The following TLE4 variants were observed in gnomAD, a reference collection of about 807,000 sequenced individuals.
TLE4 encodes TLE family member 4, transcriptional corepressor.
A neutral mutation model predicts 92.8 loss-of-function variants in TLE4; 8 were observed. The ratio of observed to expected loss-of-function variants is 0.09; its 90% CI spans 0.05 to 0.16. The LOEUF (loss-of-function observed/expected upper bound fraction) is 0.16, where lower values mean the gene tolerates loss of function less well. TLE4 is among the 10% of genes least tolerant of loss of function. The probability of loss-of-function intolerance (pLI) is 1.00; values close to 1 mark genes in which losing one functional copy is unlikely to be tolerated. For missense variants in TLE4, 675 were observed against 997.6 expected (o/e 0.68, Z 4.36); for synonymous variants, 371 against 374.1 (o/e 0.99, Z 0.10).
At chr9:79,676,271 C>T (rs988010649) in intron 8 of TLE4, among the ~76,000 whole-genome samples, 1 of 152,110 alleles carries the variant, frequency 6.6e-6, no homozygotes, top group East Asian at 1.9e-4. Context: ...ACTACTGAAA[C>T]TATTTTGGCT....
At chr9:79,683,123 A>G (rs1402712223) in intron 8 of TLE4, among the ~76,000 whole-genome samples, 7 of 152,226 alleles carry the variant, frequency 4.6e-5, no homozygotes, top group Non-Finnish European at 8.8e-5. Flanking sequence ...ATTGTTGTCA[A>G]GCTGTCAAAC....
intron 6 of TLE4, among the ~76,000 whole-genome samples, chr9:79,645,482 C>T (rs1396607560): frequency 1.3e-5 from 2 of 152,182 alleles, no homozygotes; most frequent in Admixed American, 6.5e-5. Flanking sequence ...AGTCCCTTGT[C>T]ATCAAGCAGT....
rs978318347 is a variant in TLE4, at chr9:79,721,599, T to G, written c.1839-142T>G. 19 of 1,307,774 alleles carry G rather than the reference T, an allele frequency of 1.5e-5. No homozygotes were observed. In the African/African-American group the frequency reaches 2.6e-4, roughly 18 times the overall value. The allele number at this position is 1,307,774 out of a possible 1,614,324, so 81.0% of individuals were successfully genotyped here. A position where few individuals can be genotyped will look rare whatever the true frequency, so the allele number is the denominator to read the frequency against. On this transcript the variant is annotated intron_variant, in intron 16 of 19. Coordinates refer to ENST00000376552, the MANE Select transcript of TLE4 (RefSeq NM_007005.6). ...TCTTTGTATATGCTTTGTTATTACT[T>G]TGAATAATTAGAAACCATAATAAAC...
At chr9:79,630,354 AT>A (rs891491071) in intron 6 of TLE4, among the ~76,000 whole-genome samples, 7 of 152,158 alleles carry the variant, frequency 4.6e-5, no homozygotes, top group Admixed American at 2.0e-4. Flanking sequence ...AGTTATAATG[AT>A]TTCTTTCACA....
At chr9:79,664,865 TC>T (rs1190277593) in intron 8 of TLE4, among the ~76,000 whole-genome samples, 5 of 152,232 alleles carry the variant, frequency 3.3e-5, no homozygotes, top group African/African-American at 1.2e-4. Flanking sequence ...TCTCTTTTCT[TC>T]CTTTTTTCTC....
At chr9:79,573,423 G>A in intron 1 of TLE4, 1 of 1,186,916 alleles carries the variant, frequency 8.4e-7, no homozygotes, top group Non-Finnish European at 1.1e-6. Context: ...GTCTTTGGCC[G>A]GGGAGGGGAG....
At chr9:79,707,121 A>G (rs2071822858) in intron 11 of TLE4, 2 of 1,612,804 alleles carry the variant, frequency 1.2e-6, no homozygotes, top group Middle Eastern at 1.6e-4. Flanking sequence ...TTGCAAGGAT[A>G]GAAGAGGGAT....
intron 9 of TLE4, 27 bp downstream of exon 9, chr9:79,704,929 G>C: frequency 6.2e-7 from 1 of 1,612,024 alleles, no homozygotes; most frequent in Non-Finnish European, 8.5e-7. Context: ...TTGTGTTAGG[G>C]GAGGCCAGCT....
At chr9:79,719,996 C>T in intron 15 of TLE4, 50 bp from the exon 16 acceptor site, 2 of 1,557,194 alleles carry the variant, frequency 1.3e-6, no homozygotes, top group African/African-American at 1.4e-5. Flanking sequence ...CATGTTAATG[C>T]TGTTTTCCTT....
intron 4 of TLE4, among the ~76,000 whole-genome samples, chr9:79,598,120 G>A (rs1444921031): frequency 6.7e-6 from 1 of 149,750 alleles, no homozygotes; most frequent in East Asian, 2.0e-4. Flanking sequence ...GTGGTGGCAT[G>A]TGCCTGTAAT....
chr9:79,603,479 A>T (rs1296806035), intron 4 of TLE4, among the ~76,000 whole-genome samples: 1 of 152,232 alleles, frequency 6.6e-6, no homozygotes, highest in Non-Finnish European at 1.5e-5. Context: ...AACATTTTCT[A>T]GCAATAAAGT....
intron 13 of TLE4, among the ~76,000 whole-genome samples, chr9:79,709,248 G>A (rs2072595940): frequency 6.6e-6 from 1 of 152,106 alleles, no homozygotes; most frequent in Non-Finnish European, 1.5e-5. Context: ...GTAAGGTGAA[G>A]AAGTTTCTTT....
intron 14 of TLE4, among the ~76,000 whole-genome samples, chr9:79,713,123 C>T (rs924591601): frequency 2.6e-5 from 4 of 152,258 alleles, no homozygotes; most frequent in South Asian, 4.1e-4. Flanking sequence ...ACCTCAAGGT[C>T]GAAGCCCATC....
intron 8 of TLE4, among the ~76,000 whole-genome samples, chr9:79,671,996 T>A (rs1257121516): frequency 1.2e-4 from 1 of 8,526 alleles, no homozygotes; most frequent in African/African-American, 3.0e-4. Context: ...AACAAAACAC[T>A]TTTTTTTTTT....
intron 8 of TLE4, among the ~76,000 whole-genome samples, chr9:79,676,106 A>T (rs1290810269): frequency 6.6e-6 from 1 of 152,098 alleles, no homozygotes; most frequent in Non-Finnish European, 1.5e-5. Context: ...ACAATAAGGG[A>T]TAATGACTTT....
intron 8 of TLE4, among the ~76,000 whole-genome samples, chr9:79,680,186 G>T (rs1434177982): frequency 2.0e-5 from 3 of 151,610 alleles, no homozygotes; most frequent in Non-Finnish European, 2.9e-5. Flanking sequence ...GGATGGCATT[G>T]AATCTATAAA....
chr9:79,678,724 A>T (rs549993742), intron 8 of TLE4, among the ~76,000 whole-genome samples: 2 of 151,714 alleles, frequency 1.3e-5, no homozygotes, highest in South Asian at 4.2e-4. Flanking sequence ...GCATCCATTA[A>T]CTCGTCATTT....
intron 6 of TLE4, among the ~76,000 whole-genome samples, chr9:79,628,066 T>C (rs1244907015): frequency 6.6e-6 from 1 of 152,130 alleles, no homozygotes; most frequent in Non-Finnish European, 1.5e-5. Context: ...ACTTCAACTC[T>C]GCTTATATAT....
chr9:79,705,430 C>A (rs112439027), intron 9 of TLE4, among the ~76,000 whole-genome samples: 1 of 152,178 alleles, frequency 6.6e-6, no homozygotes, highest in Admixed American at 6.5e-5. Context: ...TGGAGGCAGG[C>A]GGCCCCTGCT....
Sources: gnomAD v4.1 joint callset for allele counts (sites outside exome capture counted in the v4.1 genomes callset) on GRCh38, gnomAD v4.1.1 for gene constraint, MANE v1.5 for transcripts, NCBI Gene and HGNC (gene_info 2026-07-23, HGNC 2026-07-21) for gene names.